Variants in ZNF804A observed in about 807,000 individuals in gnomAD.
ZNF804A encodes the protein zinc finger protein 804A.
ZNF804A carries 2 observed loss-of-function variants against 16.5 expected under a neutral mutation model. The ratio of observed to expected loss-of-function variants is 0.12; its 90% CI spans 0.05 to 0.38. The LOEUF is 0.38. ZNF804A is among the 10% of genes least tolerant of loss of function. ZNF804A has a pLI of 0.99. For synonymous variants in ZNF804A, 534 were observed against 489.6 expected (o/e 1.09, Z -1.20); for missense variants, 1,473 against 1,390.7 (o/e 1.06, Z -0.94).
chr2:184,612,452 G>T (rs1020971137), intron 1 of ZNF804A, among the ~76,000 whole-genome samples: 51 of 148,830 alleles, frequency 3.4e-4, no homozygotes, highest in Non-Finnish European at 5.7e-4. Context: ...TTTTTTTTGG[G>T]GGGGGGACGG....
intron 2 of ZNF804A, among the ~76,000 whole-genome samples, chr2:184,906,543 C>T (rs564598475): frequency 6.6e-6 from 1 of 152,140 alleles, no homozygotes; most frequent in African/African-American, 2.4e-5. Flanking sequence ...TGAAGAGATC[C>T]ATCTGCCTCA....
chr2:184,624,036 A>G (rs1276714506), intron 1 of ZNF804A, among the ~76,000 whole-genome samples: 1 of 152,190 alleles, frequency 6.6e-6, no homozygotes, highest in Non-Finnish European at 1.5e-5. Context: ...TGGCTTTTCC[A>G]AAAGTTGCAC....
intron 1 of ZNF804A, among the ~76,000 whole-genome samples, chr2:184,819,205 A>G (rs1695032852): frequency 6.6e-6 from 1 of 151,732 alleles, no homozygotes; most frequent in Non-Finnish European, 1.5e-5. Context: ...AAGAAAGGAA[A>G]TTAAAAAAAA....
intron 1 of ZNF804A, among the ~76,000 whole-genome samples, chr2:184,646,203 A>T (rs1474735392): frequency 6.6e-6 from 1 of 152,162 alleles, no homozygotes; most frequent in African/African-American, 2.4e-5. Flanking sequence ...GGAGTGGGGT[A>T]AGGGCTTCCA....
chr2:184,743,166 C>T (rs940226069), intron 1 of ZNF804A, among the ~76,000 whole-genome samples: 12 of 151,940 alleles, frequency 7.9e-5, no homozygotes, highest in East Asian at 1.9e-4. Context: ...CTTTGGAGAT[C>T]GCCAGACTGA....
intron 2 of ZNF804A, among the ~76,000 whole-genome samples, chr2:184,892,716 C>A (rs1157779121): frequency 6.6e-6 from 1 of 152,046 alleles, no homozygotes; most frequent in Non-Finnish European, 1.5e-5. Flanking sequence ...CTCCTGATCT[C>A]AGGTGATCCA....
chr2:184,660,274 CAT>C (rs1335856900), intron 1 of ZNF804A, among the ~76,000 whole-genome samples: 2 of 152,144 alleles, frequency 1.3e-5, no homozygotes, highest in East Asian at 3.9e-4. Context: ...TAGAATAGGA[CAT>C]GTTTTTATTT....
intron 1 of ZNF804A, among the ~76,000 whole-genome samples, chr2:184,705,190 A>T (rs1166006572): frequency 6.6e-6 from 1 of 152,180 alleles, no homozygotes; most frequent in Admixed American, 6.5e-5. Context: ...CTGGTTTCAT[A>T]GCATAATTGA....
intron 1 of ZNF804A, among the ~76,000 whole-genome samples, chr2:184,706,790 G>A (rs1693037784): frequency 6.6e-6 from 1 of 152,192 alleles, no homozygotes; most frequent in Non-Finnish European, 1.5e-5. Flanking sequence ...CCAACTTCGT[G>A]TGTCAATATA....
At chr2:184,925,946 G>A (rs113405514) in intron 2 of ZNF804A, among the ~76,000 whole-genome samples, 3,659 of 151,518 alleles carry the variant, frequency 0.024, 84 homozygotes, top group Non-Finnish European at 0.034. Flanking sequence ...ATGGAGTCTC[G>A]CTCTATCTTA....
intron 1 of ZNF804A, among the ~76,000 whole-genome samples, chr2:184,860,834 G>C (rs1232328090): frequency 2.0e-5 from 3 of 152,222 alleles, no homozygotes; most frequent in Non-Finnish European, 4.4e-5. Flanking sequence ...GCTGATGAAG[G>C]CCTAAAGCCT....
At chr2:184,829,934 A>C (rs1337099730) in intron 1 of ZNF804A, among the ~76,000 whole-genome samples, 11 of 134,374 alleles carry the variant, frequency 8.2e-5, no homozygotes, top group East Asian at 2.0e-4. Context: ...AAAAACAAAA[A>C]AAAAAAAACC....
Position 184,939,103 on chromosome 2 carries a change from A to G in ZNF804A, c.*77A>G. ...GTTAAGTGTTCATCTATGTGGGTAC[A>G]TGGCTATTTAACTGGTGGAAATAAA... On this transcript the variant is annotated 3_prime_UTR_variant, in exon 4 of 4. Transcript: ENST00000302277. The G allele has an allele frequency of 2.0e-6, 3 of 1,521,600 alleles. No homozygotes were observed. Among genetic ancestry groups the G allele is most frequent in the Admixed American group, 2.0e-5 (1 of 50,216 alleles). The allele number at this position is 1,521,600 out of a possible 1,614,324, so 94.3% of individuals were successfully genotyped here. A position where few individuals can be genotyped will look rare whatever the true frequency, so the allele number is the denominator to read the frequency against.
chr2:184,660,417 A>G (rs981302963), intron 1 of ZNF804A, among the ~76,000 whole-genome samples: 4 of 152,242 alleles, frequency 2.6e-5, no homozygotes, highest in African/African-American at 7.2e-5. Context: ...TCTCTAAAAT[A>G]AAACAGAAAG....
At position 184,659,690 on chromosome 2, in the gene ZNF804A, A is replaced by G. The variant is rs576065495; in HGVS notation, c.111+60620A>G. ...TCAGGCATGGCTGACCCCAAAAGCC[A>G]TGTTCTTAAGTACATCATCATATGA... On this transcript the variant is annotated intron_variant, in intron 1 of 3. Coordinates refer to ENST00000302277, the MANE Select transcript of ZNF804A (RefSeq NM_194250.2). Among the ~76,000 whole-genome samples the G allele has an allele frequency of 2.6e-4, 40 of 152,318 alleles. No homozygotes were observed. The South Asian group carries it at 8.3e-3, about 32-fold the overall frequency.
chr2:184,619,985 G>A (rs1007553866), intron 1 of ZNF804A, among the ~76,000 whole-genome samples: 9 of 151,654 alleles, frequency 5.9e-5, no homozygotes, highest in Non-Finnish European at 1.2e-4. Flanking sequence ...CTCAAAATAA[G>A]TGTGTGAGCA....
intron 2 of ZNF804A, among the ~76,000 whole-genome samples, chr2:184,899,140 T>C (rs1413974693): frequency 1.3e-5 from 2 of 152,000 alleles, no homozygotes. Context: ...TTAATCATCT[T>C]ACATGGGCTT....
chr2:184,647,158 A>G (rs1019498203), intron 1 of ZNF804A, among the ~76,000 whole-genome samples: 1 of 152,224 alleles, frequency 6.6e-6, no homozygotes, highest in African/African-American at 2.4e-5. Context: ...AGTATTCACT[A>G]TAGTTGCACC....
At chr2:184,823,003 T>C (rs1303512883) in intron 1 of ZNF804A, among the ~76,000 whole-genome samples, 1 of 152,170 alleles carries the variant, frequency 6.6e-6, no homozygotes, top group Non-Finnish European at 1.5e-5. Flanking sequence ...AGTCGTTGTC[T>C]TAGTCCATTC....
Sources: allele counts gnomAD v4.1 joint callset (sites outside exome capture counted in the v4.1 genomes callset), GRCh38; gene constraint gnomAD v4.1.1; transcripts MANE v1.5; gene names NCBI Gene and HGNC (gene_info 2026-07-23, HGNC 2026-07-21).